Variants in MMP16 observed in about 807,000 individuals in gnomAD.
MMP16 encodes matrix metalloproteinase-16.
MMP16 carries 12 observed loss-of-function variants against 67.8 expected under a neutral mutation model. The observed-to-expected ratio is 0.18, with a 90% CI of 0.11 to 0.29. The LOEUF (loss-of-function observed/expected upper bound fraction) is 0.29, where lower values mean the gene tolerates loss of function less well. Ranked by LOEUF, MMP16 falls within the 10% of genes least tolerant of loss-of-function variation. The pLI, the probability that MMP16 is intolerant of heterozygous loss-of-function variation, is 1.00. For synonymous variants in MMP16, 249 were observed against 255.9 expected (o/e 0.97, Z 0.26); for missense variants, 475 against 765.7 (o/e 0.62, Z 4.48).
In MMP16 at chr8:88,041,981, A is replaced by C. The variant is rs566190923; in HGVS notation, c.1490-186T>G. Among the ~76,000 whole-genome samples, 2 of 152,298 alleles carry C rather than the reference A, an allele frequency of 1.3e-5. No homozygotes were observed. The highest frequency in any genetic ancestry group is 3.9e-4 in the East Asian group (2 of 5,184). On this transcript the variant is annotated intron_variant, in intron 9 of 9. Transcript: ENST00000286614. The surrounding 1 kb of genome is among the most constrained non-coding windows in gnomAD (Gnocchi z 6.0). ...ATGGCTGTGGCTGCTGTGCTCCAGG[A>C]ATGATGCCATCTAATGCCTATGGAA...
At chr8:88,166,592 T>G (rs1808714343) in intron 4 of MMP16, among the ~76,000 whole-genome samples, 1 of 147,728 alleles carries the variant, frequency 6.8e-6, no homozygotes, top group African/African-American at 2.5e-5. Flanking sequence ...TTGGTAAAAA[T>G]TAAGATGTAA....
intron 4 of MMP16, among the ~76,000 whole-genome samples, chr8:88,139,609 C>T (rs938671211): frequency 1.3e-5 from 2 of 151,798 alleles, no homozygotes; most frequent in Non-Finnish European, 2.9e-5. Context: ...GTTTTTTTAC[C>T]CTCTTCTTTA....
At chr8:88,114,298 A>G (rs780848708) in intron 6 of MMP16, among the ~76,000 whole-genome samples, 45 of 151,582 alleles carry the variant, frequency 3.0e-4, no homozygotes, top group Non-Finnish European at 5.6e-4. Flanking sequence ...TCCATACGCA[A>G]ACTTATTGCT....
intron 1 of MMP16, among the ~76,000 whole-genome samples, chr8:88,227,206 G>A (rs1031974983): frequency 1.3e-4 from 19 of 151,930 alleles, no homozygotes; most frequent in Non-Finnish European, 2.6e-4. Context: ...ATCTTGGGGG[G>A]AAAGGAAAAT....
chr8:88,190,024 A>C lies in MMP16; in HGVS notation c.282-3426T>G, dbSNP rs148733598. ...ATCCTATATATTTCTTGAGGACTTC[A>C]TAACTTTTTCCAGCTCTGTGCTTTG... On this transcript the variant is annotated intron_variant, in intron 2 of 9. Coordinates refer to ENST00000286614, the MANE Select transcript of MMP16 (RefSeq NM_005941.5). Among the ~76,000 whole-genome samples the C allele has an allele frequency of 1.3e-3, 198 of 152,372 alleles. 1 individual carries two copies. Among genetic ancestry groups the C allele is most frequent in the African/African-American group, 4.2e-3 (176 of 41,594 alleles).
At chr8:88,046,822 C>T (rs532743913) in intron 8 of MMP16, 38 bp from the exon 9 acceptor site, 1 of 1,315,376 alleles carries the variant, frequency 7.6e-7, no homozygotes, top group South Asian at 1.3e-5. Flanking sequence ...AACACAATAA[C>T]ACACATATAG....
chr8:88,116,039 C>T (rs1366861084), intron 6 of MMP16, among the ~76,000 whole-genome samples: 1 of 152,050 alleles, frequency 6.6e-6, no homozygotes, highest in East Asian at 1.9e-4. Context: ...ACTCAAATGG[C>T]TACCCGTGGA....
intron 1 of MMP16, among the ~76,000 whole-genome samples, chr8:88,227,183 G>C (rs1809784003): frequency 1.3e-5 from 2 of 152,064 alleles, no homozygotes; most frequent in South Asian, 2.1e-4. Flanking sequence ...TCTGCTTTCA[G>C]ACAGTAGGTT....
intron 6 of MMP16, among the ~76,000 whole-genome samples, chr8:88,105,234 T>C (rs1809217427): frequency 6.6e-6 from 1 of 151,178 alleles, no homozygotes; most frequent in South Asian, 2.1e-4. Flanking sequence ...TACTGGATAA[T>C]CTGGGTTTGC....
chr8:88,282,525 T>C (rs1810757980), intron 1 of MMP16, among the ~76,000 whole-genome samples: 1 of 152,240 alleles, frequency 6.6e-6, no homozygotes, highest in South Asian at 2.1e-4. Flanking sequence ...TCTTTTGCAA[T>C]GTAGATAGAT....
intron 1 of MMP16, among the ~76,000 whole-genome samples, chr8:88,296,160 G>C (rs372682098): frequency 1.3e-5 from 2 of 151,960 alleles, no homozygotes; most frequent in East Asian, 1.9e-4. Context: ...ACGATTATTC[G>C]CCAGCTTCTA....
At chr8:88,049,892 G>A (rs1808247812) in intron 8 of MMP16, among the ~76,000 whole-genome samples, 2 of 152,154 alleles carry the variant, frequency 1.3e-5, no homozygotes, top group Admixed American at 6.5e-5. Flanking sequence ...GGGCATGGTG[G>A]TGCACACCTT....
chr8:88,185,785 T>C (rs575308671), intron 3 of MMP16, among the ~76,000 whole-genome samples: 1 of 152,274 alleles, frequency 6.6e-6, no homozygotes, highest in East Asian at 1.9e-4. Context: ...ACATTTCTCT[T>C]GCATCCTGTC....
At chr8:88,223,421 T>C (rs1468695289) in intron 1 of MMP16, among the ~76,000 whole-genome samples, 4 of 151,924 alleles carry the variant, frequency 2.6e-5, no homozygotes, top group East Asian at 1.9e-4. Flanking sequence ...CTATTCACAA[T>C]AGCAAAGACT....
chr8:88,251,044 T>C (rs1202777904), intron 1 of MMP16, among the ~76,000 whole-genome samples: 2 of 151,716 alleles, frequency 1.3e-5, no homozygotes, highest in East Asian at 3.9e-4. Context: ...TTTTTGTTCT[T>C]GCAATAGTTT....
intron 6 of MMP16, among the ~76,000 whole-genome samples, chr8:88,110,057 A>G (rs909542409): frequency 1.2e-4 from 18 of 151,330 alleles, no homozygotes; most frequent in Admixed American, 9.3e-4. Flanking sequence ...AAATGTACAT[A>G]ATAAAATATA....
intron 1 of MMP16, among the ~76,000 whole-genome samples, chr8:88,301,982 C>G (rs1393968047): frequency 6.6e-6 from 1 of 152,170 alleles, no homozygotes; most frequent in East Asian, 1.9e-4. Context: ...TTTCTGAAAT[C>G]TGACCATTAT....
intron 3 of MMP16, among the ~76,000 whole-genome samples, chr8:88,168,696 C>CT (rs960355661): frequency 1.3e-5 from 2 of 151,834 alleles, no homozygotes; most frequent in Non-Finnish European, 2.9e-5. Context: ...TTTTTCTCAG[C>CT]TTTTTTCTAA....
intron 8 of MMP16, among the ~76,000 whole-genome samples, chr8:88,047,147 A>G (rs1586121379): frequency 6.6e-6 from 1 of 152,224 alleles, no homozygotes; most frequent in East Asian, 1.9e-4. Flanking sequence ...GCATATATAT[A>G]TCAGAGGTTT....
Sources: gnomAD v4.1 joint callset for allele counts (sites outside exome capture counted in the v4.1 genomes callset) on GRCh38, gnomAD v4.1.1 for gene constraint, Gnocchi (gnomAD v3.1) non-coding constraint, MANE v1.5 for transcripts, NCBI Gene and HGNC (gene_info 2026-07-23, HGNC 2026-07-21) for gene names.